The following CCDC22 variants were observed in gnomAD, a reference collection of about 807,000 sequenced individuals.
The protein encoded by CCDC22 is coiled-coil domain-containing protein 22.
CCDC22 carries 4 observed loss-of-function variants against 53.1 expected under a neutral mutation model. That is an observed-to-expected ratio of 0.08 (90% confidence interval 0.04 to 0.17). CCDC22 has a LOEUF of 0.17. CCDC22 is among the 10% of genes least tolerant of loss of function. The pLI is 1.00. For synonymous variants in CCDC22, 222 were observed against 224.4 expected (o/e 0.99, Z 0.10); for missense variants, 458 against 554.0 (o/e 0.83, Z 1.74).
intron 3 of CCDC22, 127 bp from the exon 4 acceptor site, chrX:49,242,759 T>G: frequency 1.7e-5 from 7 of 416,609 alleles, no homozygotes; most frequent in Admixed American, 4.7e-5. Context: ...TGACTGAACG[T>G]GAGAACGCAA....
At chrX:49,236,226 G>A (rs1053678358) in intron 1 of CCDC22, among the ~76,000 whole-genome samples, 2 of 105,261 alleles carry the variant, frequency 1.9e-5, no homozygotes, top group Non-Finnish European at 3.9e-5. Context: ...TTCCTTTTCC[G>A]AGATGGAGTC....
At chrX:49,245,844 A>G (rs2065986414) in intron 6 of CCDC22, among the ~76,000 whole-genome samples, 1 of 112,505 alleles carries the variant, frequency 8.9e-6, no homozygotes, top group Non-Finnish European at 1.9e-5. Context: ...TTTCAGCTCT[A>G]AATACTTAGG....
intron 7 of CCDC22, among the ~76,000 whole-genome samples, chrX:49,247,265 G>A (rs1054376711): frequency 3.5e-5 from 4 of 112,733 alleles, no homozygotes; most frequent in African/African-American, 1.3e-4. Flanking sequence ...TTGAGAGATG[G>A]GGCAGGTGGG....
At chrX:49,241,322 C>T (rs898338485) in intron 2 of CCDC22, among the ~76,000 whole-genome samples, 1 of 109,540 alleles carries the variant, frequency 9.1e-6, no homozygotes, top group African/African-American at 3.3e-5. Context: ...GCCCTGTCTA[C>T]ACTGAAAATA....
At chrX:49,247,971 A>G (rs782426045) in intron 9 of CCDC22, among the ~76,000 whole-genome samples, 4 of 110,359 alleles carry the variant, frequency 3.6e-5, no homozygotes, top group African/African-American at 1.3e-4. Flanking sequence ...TCTATGGGGC[A>G]CCGCGGGTCT....
rs1046891039 is a variant in CCDC22 at position 49,242,354 on chromosome X, G to A, written c.361+206G>A. ...GGGGGCTGAGGTTGAGCTGACCCCGGTGGTGCGTTGGTGCGGGGAGGGGCC... is the reference window on the plus strand; with the variant it reads ...GGGGGCTGAGGTTGAGCTGACCCCGATGGTGCGTTGGTGCGGGGAGGGGCC... On this transcript the variant is annotated intron_variant, in intron 3 of 16. Transcript: ENST00000376227. 3 of 746,115 alleles carry A rather than the reference G, an allele frequency of 4.0e-6. No homozygotes were observed. In the Admixed American group the frequency reaches 2.6e-4, roughly 66 times the overall value. The allele number at this position is 746,115 out of a possible 1,213,427, so 61.5% of individuals were successfully genotyped here.
intron 1 of CCDC22, among the ~76,000 whole-genome samples, chrX:49,236,103 C>G (rs1557112675): frequency 9.1e-6 from 1 of 109,413 alleles, no homozygotes; most frequent in African/African-American, 3.3e-5. Context: ...AACCCCAGGA[C>G]CCTGGCACTC....
intron 11 of CCDC22, 38 bp from the exon 12 acceptor site, chrX:49,248,595 G>C (rs782009581): frequency 2.9e-4 from 345 of 1,201,166 alleles, no homozygotes; most frequent in South Asian, 6.3e-4. Flanking sequence ...CCATCCCTAT[G>C]CTCTGCTCAC....
rs781981009 is a variant in CCDC22 at position 49,249,575 on chromosome X, G to A, written c.1695+7G>A. 1.8e-6 allele frequency: 2 copies of A among 1,136,131 alleles called. No homozygotes were observed. The highest frequency in any genetic ancestry group is 1.8e-5 in the South Asian group (1 of 55,500). 93.6% of individuals were successfully genotyped at this position (1,136,131 alleles called of 1,213,427 possible). A position where few individuals can be genotyped will look rare whatever the true frequency, so the allele number is the denominator to read the frequency against. ...TCTAGCTGCTCTGCACGAGGTGAGG[G>A]GAGACATGTGCCTGGGGTGGGGCTG... On this transcript the variant is annotated splice_region_variant and intron_variant, in intron 15 of 16. Transcript: ENST00000376227.
At chrX:49,236,950 A>G (rs2065940761) in intron 1 of CCDC22, 136 bp from the exon 2 acceptor site, 1 of 437,345 alleles carries the variant, frequency 2.3e-6, no homozygotes, top group Non-Finnish European at 3.7e-6. Flanking sequence ...CACAGTCACC[A>G]ACATCCAGGA....
chrX:49,235,867 A>G (rs900209482), intron 1 of CCDC22, among the ~76,000 whole-genome samples, 181 bp downstream of exon 1: 4 of 104,478 alleles, frequency 3.8e-5, no homozygotes, highest in Non-Finnish European at 8.0e-5. Context: ...ACACACACGC[A>G]CACACACACC....
intron 1 of CCDC22, among the ~76,000 whole-genome samples, chrX:49,236,069 TG>T (rs1296357987): frequency 2.2e-4 from 24 of 108,925 alleles, no homozygotes; most frequent in Non-Finnish European, 4.0e-4. Flanking sequence ...AAGACACCTG[TG>T]CCCTAAGAAC....
rs1557114789 is a variant in CCDC22, at chrX:49,248,649, G to T, written c.1346G>T (p.Arg449Leu). 3 of 1,210,055 alleles carry T rather than the reference G, an allele frequency of 2.5e-6. No individual in the cohort carries two copies. In the East Asian group the frequency reaches 8.9e-5, roughly 36 times the overall value. Residue 449 changes from arginine (R) to leucine (L), a missense_variant, in exon 12 of 17, where the codon CGG (arginine) becomes CTG (leucine). By Grantham distance (102) the Arg-to-Leu change is moderately radical. This residue lies in a region of CCDC22 where 309 missense variants were observed against 312.3 expected (regional missense o/e 0.99). Coordinates refer to ENST00000376227, the MANE Select transcript of CCDC22 (RefSeq NM_014008.5). The stretch of plus-strand genomic sequence containing the variant: ...TCATGGCAGCTGGAATCTTCTCGAC[G>T]GCTGGCAGAGATCCAAGAACTGCAC... Reference protein sequence around the residue: ...QDCRELESSRRLAEIQELHQS... With the variant: ...QDCRELESSRLLAEIQELHQS...
In CCDC22 at chrX:49,242,811, G is replaced by A. The variant is rs368259120; in HGVS notation, c.362-75G>A. ...TCTCTGGATGGGGGTCAGGAGTGGA[G>A]GCTGGTCTCCTAGGGTATGCCCTTT... On this transcript the variant is annotated intron_variant, in intron 3 of 16. Coordinates refer to ENST00000376227, the MANE Select transcript of CCDC22 (RefSeq NM_014008.5). The A allele has an allele frequency of 4.3e-5, 26 of 603,086 alleles. No individual in the cohort carries two copies. In the African/African-American group the frequency reaches 6.0e-4, roughly 14 times the overall value. 49.7% of individuals were successfully genotyped at this position (603,086 alleles called of 1,213,427 possible).
At chrX:49,237,719 C>T (rs2065944352) in intron 2 of CCDC22, among the ~76,000 whole-genome samples, 2 of 108,544 alleles carry the variant, frequency 1.8e-5, no homozygotes, top group African/African-American at 6.8e-5. Flanking sequence ...ACTAATCACT[C>T]TGTGCTCTGA....
intron 5 of CCDC22, 22 bp downstream of exon 5, chrX:49,243,206 G>A: frequency 8.3e-7 from 1 of 1,205,928 alleles, no homozygotes; most frequent in Middle Eastern, 2.3e-4. Context: ...GCTGTGGGGA[G>A]GGGTGAGGAG....
In CCDC22 at chrX:49,248,658, A is replaced by G; in HGVS notation, c.1355A>G (p.Glu452Gly). The change falls in exon 12 of 17, where the codon GAG becomes GGG. Residue 452 changes from glutamate (E) to glycine (G), a missense_variant. By Grantham distance (98) the Glu-to-Gly change is moderately conservative (BLOSUM62 -2). Coordinates refer to ENST00000376227, the MANE Select transcript of CCDC22 (RefSeq NM_014008.5). ...RELESSRRLA[E>G]IQELHQSVRA... ...CTGGAATCTTCTCGACGGCTGGCAG[A>G]GATCCAAGAACTGCACCAGAGTGTC... is the stretch of plus-strand genomic sequence containing the variant. 1 of 1,210,515 alleles carries G rather than the reference A, an allele frequency of 8.3e-7. No homozygotes were observed. Among genetic ancestry groups the G allele is most frequent in the Non-Finnish European group, 1.1e-6 (1 of 895,121 alleles).
chrX:49,240,374 C>T (rs909814046), intron 2 of CCDC22, among the ~76,000 whole-genome samples: 3 of 109,714 alleles, frequency 2.7e-5, no homozygotes, highest in African/African-American at 3.3e-5. Context: ...GCCAACCTGG[C>T]GAAACCCTGT....
Position 49,250,225 on chromosome X carries a change from G to A in CCDC22, c.1848G>A (p.Glu616=), listed in dbSNP as rs2066019340. 8.6e-7 allele frequency: 1 copy of A among 1,161,522 alleles called. No individual in the cohort carries two copies. The highest frequency in any genetic ancestry group is 1.2e-6 in the Non-Finnish European group (1 of 866,906). ...AGGACTACCGAGCCCTCCGCCAGGA[G>A]AACGCTGGCCTCCTAGGCCGGGTCC... is the stretch of plus-strand genomic sequence containing the variant. ...IREDYRALRQ[E]NAGLLGRVRE... The change falls in exon 17 of 17, where the codon GAG becomes GAA. Residue 616 remains glutamate (E), a synonymous_variant. Transcript: ENST00000376227.
Sources: gnomAD v4.1 joint callset for allele counts (sites outside exome capture counted in the v4.1 genomes callset) on GRCh38, gnomAD v4.1.1 for gene constraint, gnomAD v4.1.1 regional missense constraint, MANE v1.5 for transcripts, NCBI Gene and HGNC (gene_info 2026-07-23, HGNC 2026-07-21) for gene names.